KIF13B: variants seen among roughly 807,000 people sequenced by gnomAD.
KIF13B encodes the protein kinesin family member 13B.
KIF13B carries 127 observed loss-of-function variants against 222.0 expected under a neutral mutation model. The ratio of observed to expected loss-of-function variants is 0.57; its 90% confidence interval spans 0.50 to 0.66. KIF13B has a LOEUF of 0.66. Among genes scored for constraint, KIF13B ranks in the 30% least tolerant of loss-of-function variants. The probability of loss-of-function intolerance (pLI) is 0.00; values close to 1 mark genes in which losing one functional copy is unlikely to be tolerated. For synonymous variants in KIF13B, 976 were observed against 919.0 expected (o/e 1.06, Z -1.12); for missense variants, 2,173 against 2,379.0 (o/e 0.91, Z 1.80).
intron 2 of KIF13B, among the ~76,000 whole-genome samples, chr8:29,231,293 A>G (rs1264125088): frequency 6.6e-6 from 1 of 152,250 alleles, no homozygotes; most frequent in Non-Finnish European, 1.5e-5. Context: ...TTACATTCAG[A>G]GAAGGGATTT....
intron 38 of KIF13B, among the ~76,000 whole-genome samples, chr8:29,073,340 T>A (rs1199609012): frequency 3.3e-5 from 5 of 152,136 alleles, no homozygotes. Context: ...GCTCTCCTCA[T>A]GTCGGTCACT....
At chr8:29,160,945 T>TA (rs1309875062) in intron 12 of KIF13B, 78 bp from the exon 13 acceptor site, 1 of 1,230,266 alleles carries the variant, frequency 8.1e-7, no homozygotes, top group African/African-American at 1.5e-5. Context: ...ATTACAATGT[T>TA]ACAATTATTC....
At chr8:29,170,581 G>T (rs1236223455) in intron 10 of KIF13B, among the ~76,000 whole-genome samples, 1 of 152,198 alleles carries the variant, frequency 6.6e-6, no homozygotes, top group African/African-American at 2.4e-5. Context: ...CCAGGTAAAG[G>T]GAGAGGGGAG....
intron 4 of KIF13B, among the ~76,000 whole-genome samples, chr8:29,189,020 T>TC: frequency 6.6e-6 from 1 of 152,260 alleles, no homozygotes; most frequent in African/African-American, 2.4e-5. Context: ...CCCTCTCCTT[T>TC]CCCTCAGTGA....
rs111803861 is a variant in KIF13B, at chr8:29,151,310, T to G, written c.1536-927A>C. On this transcript the variant is annotated intron_variant, in intron 14 of 39. Coordinates refer to ENST00000524189, the MANE Select transcript of KIF13B (RefSeq NM_015254.4). ...ATGAGGTTTAAGGAAAGAAGCCACCTCTGTAACATAAAAGTGCAAGGTGAA... is the reference window on the plus strand; with the variant it reads ...ATGAGGTTTAAGGAAAGAAGCCACCGCTGTAACATAAAAGTGCAAGGTGAA... Among the ~76,000 whole-genome samples, 1,364 of 152,334 alleles carry G rather than the reference T, an allele frequency of 9.0e-3. 20 individuals carry two copies. The highest frequency in any genetic ancestry group is 0.031 in the African/African-American group (1,274 of 41,574).
At chr8:29,261,133 A>C (rs1027862633) in intron 1 of KIF13B, among the ~76,000 whole-genome samples, 1 of 152,248 alleles carries the variant, frequency 6.6e-6, no homozygotes, top group African/African-American at 2.4e-5. Flanking sequence ...GCACTAAGTG[A>C]ACACAGGAGG....
intron 2 of KIF13B, among the ~76,000 whole-genome samples, chr8:29,229,083 A>G (rs1373359627): frequency 9.2e-6 from 1 of 108,856 alleles, no homozygotes; most frequent in Non-Finnish European, 1.9e-5. Flanking sequence ...CCAGAATGTC[A>G]GCTTTAAAAA....
chr8:29,159,435 C>T (rs1343541087), intron 13 of KIF13B, among the ~76,000 whole-genome samples: 3 of 152,156 alleles, frequency 2.0e-5, no homozygotes, highest in Admixed American at 1.3e-4. Flanking sequence ...CAGGTGTGAG[C>T]CACCACGCCC....
intron 2 of KIF13B, among the ~76,000 whole-genome samples, chr8:29,197,927 C>A (rs1228023361): frequency 6.6e-6 from 1 of 152,224 alleles, no homozygotes; most frequent in East Asian, 1.9e-4. Flanking sequence ...TAATAATTGG[C>A]CCTTCTCAGA....
intron 2 of KIF13B, among the ~76,000 whole-genome samples, chr8:29,210,554 T>C (rs1814174272): frequency 6.6e-6 from 1 of 152,162 alleles, no homozygotes; most frequent in Admixed American, 6.5e-5. Context: ...TTTAGTTTGA[T>C]AGAAACAAAA....
chr8:29,080,832 C>T lies in KIF13B; in HGVS notation c.4459-5489G>A, dbSNP rs575842586. Among the ~76,000 whole-genome samples the T allele has an allele frequency of 6.6e-5, 10 of 152,258 alleles. No individual in the cohort carries two copies. In the South Asian group the frequency reaches 1.2e-3, roughly 19 times the overall value. ...CCACATGCCCCTCCAAGCAGTGCCT[C>T]GAAGGACTCAACACCAGAAGGCAAC... is the stretch of plus-strand genomic sequence containing the variant. On this transcript the variant is annotated intron_variant, in intron 37 of 39. Transcript: ENST00000524189.
rs1334415136 is a variant in KIF13B, at chr8:29,147,520, C to A, written c.1896G>T (p.Met632Ile). ...GGAGCTGCTCCAATTCGTGCTCATACATAAGCCTCTGGCGCTCCAGTGCAG... is the reference window on the plus strand; with the variant it reads ...GGAGCTGCTCCAATTCGTGCTCATAAATAAGCCTCTGGCGCTCCAGTGCAG... ...KRSALERQRL[M>I]YEHELEQLRR... is the part of the protein sequence containing the mutation. The change falls in exon 17 of 40, where the codon ATG becomes ATT. Residue 632 changes from methionine (M) to isoleucine (I), a missense_variant. By Grantham distance (10) the Met-to-Ile change is conservative (BLOSUM62 1). Around this residue, in one of 2 missense-constraint regions of KIF13B, gnomAD observed 1,480 missense variants for 1,722.8 expected, o/e 0.86. Transcript: ENST00000524189. 6 of 1,613,720 alleles carry A rather than the reference C, an allele frequency of 3.7e-6. No individual in the cohort carries two copies. Among genetic ancestry groups the A allele is most frequent in the East Asian group, 2.2e-5 (1 of 44,892 alleles).
At chr8:29,078,127 C>CAAAAAAAAAAAAAAAAAA (rs10530503) in intron 37 of KIF13B, among the ~76,000 whole-genome samples, 1 of 74,304 alleles carries the variant, frequency 1.3e-5, no homozygotes, top group Non-Finnish European at 2.5e-5. Context: ...TACTAAAATC[C>CAAAAAAAAAAAAAAAAAA]AAAAAAAAAA....
intron 2 of KIF13B, among the ~76,000 whole-genome samples, chr8:29,222,769 A>AC (rs1209453862): frequency 6.6e-6 from 1 of 151,896 alleles, no homozygotes; most frequent in African/African-American, 2.4e-5. Flanking sequence ...AGTTAATTAC[A>AC]CCTGCTACTG....
At chr8:29,124,267 T>C (rs555834112) in intron 26 of KIF13B, 144 bp from the exon 27 acceptor site, 2 of 563,480 alleles carry the variant, frequency 3.5e-6, no homozygotes, top group Middle Eastern at 3.2e-4. Flanking sequence ...ACCAGTTGAC[T>C]GCGCCCATCT....
chr8:29,247,585 T>C (rs1165183130), intron 1 of KIF13B, among the ~76,000 whole-genome samples: 3 of 151,836 alleles, frequency 2.0e-5, no homozygotes, highest in Admixed American at 2.0e-4. Context: ...TCCCAAGACT[T>C]TGAGAGACCA....
intron 3 of KIF13B, among the ~76,000 whole-genome samples, chr8:29,195,754 G>T (rs1323732682): frequency 1.3e-5 from 2 of 152,256 alleles, no homozygotes. Context: ...CGGGAGTGGG[G>T]AGGATGAGTC....
intron 21 of KIF13B, chr8:29,138,393 T>C (rs773783958): frequency 5.5e-5 from 8 of 146,728 alleles, no homozygotes; most frequent in Admixed American, 3.6e-4. Flanking sequence ...CATTTATCCT[T>C]CCTTTTCTAT....
chr8:29,166,564 C>T (rs575240655), intron 11 of KIF13B, among the ~76,000 whole-genome samples: 44 of 152,132 alleles, frequency 2.9e-4, no homozygotes, highest in African/African-American at 1.0e-3. Context: ...ATTAGCTGGG[C>T]GTGGTGGCGT....
Sources: gnomAD v4.1 joint callset for allele counts (sites outside exome capture counted in the v4.1 genomes callset) on GRCh38, gnomAD v4.1.1 for gene constraint, gnomAD v4.1.1 regional missense constraint, MANE v1.5 for transcripts, NCBI Gene and HGNC (gene_info 2026-07-23, HGNC 2026-07-21) for gene names.